Variants in FRMPD4 observed in about 807,000 individuals in gnomAD.
FRMPD4 encodes FERM and PDZ domain containing 4, also known as FERM and PDZ domain-containing protein 4.
A neutral mutation model predicts 94.1 loss-of-function variants in FRMPD4; 22 were observed. The observed-to-expected ratio is 0.23, with a 90% CI of 0.17 to 0.33. FRMPD4 has a LOEUF of 0.33. FRMPD4 is among the 10% of genes least tolerant of loss of function. FRMPD4 has a pLI of 1.00. For synonymous variants in FRMPD4, 631 were observed against 548.6 expected, an observed-to-expected ratio of 1.15 and a Z score of -2.10; for missense variants, 1,111 against 1,339.9, an observed-to-expected ratio of 0.83 and a Z score of 2.67.
At chrX:12,516,158 A>G (rs1200118922) in intron 2 of FRMPD4, among the ~76,000 whole-genome samples, 1 of 111,461 alleles carries the variant, frequency 9.0e-6, no homozygotes, top group East Asian at 2.8e-4. Flanking sequence ...ATCCAACTTG[A>G]CATTCTGTGT....
At chrX:12,713,752 C>T (rs1294269524) in intron 14 of FRMPD4, among the ~76,000 whole-genome samples, 7 of 111,719 alleles carry the variant, frequency 6.3e-5, no homozygotes, top group African/African-American at 1.3e-4. Flanking sequence ...GATCCCAGCC[C>T]CCAAACCACA....
At chrX:11,971,065 C>A (rs1347077547) in intron 3 of FRMPD4, among the ~76,000 whole-genome samples, 1 of 112,218 alleles carries the variant, frequency 8.9e-6, no homozygotes, top group African/African-American at 3.2e-5. Context: ...GGGCGTCCTA[C>A]ATTTCTGCAG....
At chrX:12,345,952 CAGTAA>C (rs1280197046) in intron 1 of FRMPD4, among the ~76,000 whole-genome samples, 2 of 110,005 alleles carry the variant, frequency 1.8e-5, no homozygotes, top group Non-Finnish European at 3.8e-5. Context: ...TCTTTACAAA[CAGTAA>C]AGCTTAAGAG....
chrX:12,357,664 A>C (rs748895937), intron 1 of FRMPD4, among the ~76,000 whole-genome samples: 2 of 112,143 alleles, frequency 1.8e-5, no homozygotes, highest in Non-Finnish European at 1.9e-5. Flanking sequence ...GAATGAAAAC[A>C]AGTTGTGAGC....
intron 3 of FRMPD4, among the ~76,000 whole-genome samples, chrX:12,076,724 T>C (rs951923922): frequency 9.0e-6 from 1 of 111,151 alleles, no homozygotes; most frequent in Non-Finnish European, 1.9e-5. Context: ...ACTTTATCTA[T>C]GCATTGATGA....
At chrX:12,227,824 GGAGAGAGAGAGAGAGA>G (rs750580451) in intron 1 of FRMPD4, among the ~76,000 whole-genome samples, 1 of 94,563 alleles carries the variant, frequency 1.1e-5, no homozygotes, top group Admixed American at 1.2e-4. Context: ...AGAAAGAGAG[GGAGAGAGAGAGAGAGA>G]GAGAGAGAGA....
intron 1 of FRMPD4, among the ~76,000 whole-genome samples, chrX:12,273,585 T>G (rs181782090): frequency 5.1e-4 from 57 of 112,607 alleles, no homozygotes; most frequent in African/African-American, 1.8e-3. Context: ...AGTGCCCTCT[T>G]AATTTCTAGA....
intron 1 of FRMPD4, among the ~76,000 whole-genome samples, chrX:12,364,582 A>AT (rs1161793584): frequency 9.1e-6 from 1 of 110,435 alleles, no homozygotes; most frequent in Non-Finnish European, 1.9e-5. Flanking sequence ...GTATTTGAAA[A>AT]CTGTGCCCTC....
intron 3 of FRMPD4, among the ~76,000 whole-genome samples, chrX:11,960,717 ATT>A (rs1376457099): frequency 8.9e-6 from 1 of 111,784 alleles, no homozygotes; most frequent in Non-Finnish European, 1.9e-5. Context: ...TGATCATAAC[ATT>A]TGTCAGTATA....
At chrX:12,350,668 A>T (rs2055789040) in intron 1 of FRMPD4, among the ~76,000 whole-genome samples, 1 of 112,745 alleles carries the variant, frequency 8.9e-6, no homozygotes, top group South Asian at 3.6e-4. Context: ...TAATAAGTTA[A>T]AAACAGGTCA....
chrX:12,634,637 G>A (rs751500005), intron 4 of FRMPD4, among the ~76,000 whole-genome samples: 1 of 110,963 alleles, frequency 9.0e-6, no homozygotes, highest in South Asian at 3.8e-4. Context: ...TTTGGAGAAA[G>A]CTTCTAAAAG....
At chrX:11,862,717 C>T (rs1458724188) in intron 1 of FRMPD4, among the ~76,000 whole-genome samples, 2 of 111,216 alleles carry the variant, frequency 1.8e-5, no homozygotes, top group Non-Finnish European at 3.8e-5. Context: ...TTTGCTGAAC[C>T]TTCCTTAGAC....
intron 3 of FRMPD4, among the ~76,000 whole-genome samples, chrX:12,020,761 T>C (rs2054628244): frequency 1.8e-5 from 2 of 111,969 alleles, no homozygotes; most frequent in African/African-American, 6.5e-5. Flanking sequence ...TTTCAATTAA[T>C]TAATCAACCC....
chrX:12,011,734 G>A (rs181122273), intron 3 of FRMPD4, among the ~76,000 whole-genome samples: 1 of 111,308 alleles, frequency 9.0e-6, no homozygotes, highest in East Asian at 2.8e-4. Flanking sequence ...TGGTTATGAA[G>A]GCAAAATAGT....
intron 1 of FRMPD4, among the ~76,000 whole-genome samples, chrX:12,208,322 A>G (rs1351268371): frequency 1.8e-5 from 2 of 111,397 alleles, no homozygotes; most frequent in Admixed American, 9.6e-5. Context: ...AAAAAAGTCA[A>G]TAGCTGAAGA....
rs10539431 is a variant in FRMPD4, at chrX:12,536,066, G to GAT, written c.158+37291_158+37292dup. Among the ~76,000 whole-genome samples, 587 of 95,149 alleles carry GAT rather than the reference G, an allele frequency of 6.2e-3. 1 individual carries two copies. The highest frequency in any genetic ancestry group is 0.019 in the East Asian group (60 of 3,107). 82.6% of individuals were successfully genotyped at this position (95,149 alleles called of 115,157 possible). A position where few individuals can be genotyped will look rare whatever the true frequency, so the allele number is the denominator to read the frequency against. On this transcript the variant is annotated intron_variant, in intron 2 of 16. Transcript: ENST00000675598. The stretch of plus-strand genomic sequence containing the variant: ...AGGAGCCTAACAGAAAATATATAAG[G>GAT]ATATATATATATATATATATATCAT...
At chrX:11,948,659 T>C (rs906177565) in intron 3 of FRMPD4, among the ~76,000 whole-genome samples, 3 of 111,152 alleles carry the variant, frequency 2.7e-5, no homozygotes, top group Non-Finnish European at 5.7e-5. Flanking sequence ...CCTTAACCAC[T>C]CTGCCTTACT....
chrX:11,934,870 T>C (rs763509297), intron 3 of FRMPD4, among the ~76,000 whole-genome samples: 27 of 111,792 alleles, frequency 2.4e-4, no homozygotes, highest in Admixed American at 5.7e-4. Flanking sequence ...GATCGTTTTG[T>C]TGTTGTTGTT....
At chrX:12,230,129 C>A (rs2056967870) in intron 1 of FRMPD4, among the ~76,000 whole-genome samples, 2 of 111,264 alleles carry the variant, frequency 1.8e-5, no homozygotes, top group Non-Finnish European at 3.8e-5. Flanking sequence ...GGCCTGTTGG[C>A]TCTCACCCAT....
Sources: gnomAD v4.1 joint callset for allele counts (sites outside exome capture counted in the v4.1 genomes callset) on GRCh38, gnomAD v4.1.1 for gene constraint, MANE v1.5 for transcripts, NCBI Gene and HGNC (gene_info 2026-07-23, HGNC 2026-07-21) for gene names.